CPNE8: variants seen among roughly 807,000 people sequenced by gnomAD.
CPNE8 encodes copine-8.
CPNE8 carries 45 observed loss-of-function variants against 81.5 expected under a neutral mutation model. The observed-to-expected ratio is 0.55, with a 90% CI of 0.44 to 0.71. The LOEUF (loss-of-function observed/expected upper bound fraction) is 0.71, where lower values mean the gene tolerates loss of function less well. Ranked by LOEUF, CPNE8 falls within the 30% of genes least tolerant of loss-of-function variation. The probability of loss-of-function intolerance (pLI) is 0.00; values close to 1 mark genes in which losing one functional copy is unlikely to be tolerated. For synonymous variants in CPNE8, 252 were observed against 226.3 expected, an observed-to-expected ratio of 1.11 and a Z score of -1.02; for missense variants, 594 against 672.1, an observed-to-expected ratio of 0.88 and a Z score of 1.28.
chr12:38,877,465 A>G (rs563936543), intron 1 of CPNE8, among the ~76,000 whole-genome samples: 1 of 152,102 alleles, frequency 6.6e-6, no homozygotes, highest in East Asian at 1.9e-4. Flanking sequence ...TGTTCCTACC[A>G]TTTTATAACA....
intron 6 of CPNE8, among the ~76,000 whole-genome samples, chr12:38,799,476 A>T (rs1454253821): frequency 6.6e-6 from 1 of 152,170 alleles, no homozygotes; most frequent in Admixed American, 6.5e-5. Flanking sequence ...AAGGCAGAAA[A>T]AAAGATATTC....
At chr12:38,674,962 G>A (rs1028145029) in intron 18 of CPNE8, among the ~76,000 whole-genome samples, 7 of 152,126 alleles carry the variant, frequency 4.6e-5, no homozygotes, top group Non-Finnish European at 8.8e-5. Flanking sequence ...ACCTGAACCA[G>A]GTGAATATTA....
intron 6 of CPNE8, among the ~76,000 whole-genome samples, chr12:38,801,783 C>T (rs973213811): frequency 1.9e-5 from 2 of 104,226 alleles, no homozygotes; most frequent in African/African-American, 7.2e-5. Context: ...CAGAGACACA[C>T]ATAGGCTCCA....
intron 5 of CPNE8, among the ~76,000 whole-genome samples, chr12:38,834,124 T>C (rs1315572171): frequency 1.3e-5 from 2 of 152,164 alleles, no homozygotes; most frequent in Admixed American, 6.5e-5. Context: ...GAAAGCGACA[T>C]GTCCTAGCTG....
intron 1 of CPNE8, among the ~76,000 whole-genome samples, chr12:38,891,322 T>C (rs1373943674): frequency 6.6e-6 from 1 of 152,146 alleles, no homozygotes; most frequent in African/African-American, 2.4e-5. Context: ...TTAAATTTAT[T>C]TGTTTCTCAT....
intron 6 of CPNE8, among the ~76,000 whole-genome samples, chr12:38,790,345 G>A (rs1419141938): frequency 6.6e-6 from 1 of 151,754 alleles, no homozygotes; most frequent in African/African-American, 2.4e-5. Context: ...GGCACAGAAA[G>A]GCAAACATTG....
intron 10 of CPNE8, among the ~76,000 whole-genome samples, chr12:38,736,234 T>TGTGTGTGTGTGTGTGTGTGTGTGTGTG (rs60702724): frequency 3.2e-4 from 47 of 148,844 alleles, no homozygotes; most frequent in African/African-American, 9.9e-4. Context: ...TGTGTGTGTG[T>TGTGTGTGTGTGTGTGTGTGTGTGTGTG]TGTGTGTGTA....
intron 2 of CPNE8, among the ~76,000 whole-genome samples, chr12:38,874,117 A>G (rs1157455182): frequency 2.6e-4 from 39 of 152,094 alleles, no homozygotes; most frequent in Non-Finnish European, 2.9e-5. Flanking sequence ...TCATTTAAAA[A>G]AAAAAGAAAA....
chr12:38,713,496 G>A (rs1940312849), intron 13 of CPNE8, among the ~76,000 whole-genome samples: 3 of 152,198 alleles, frequency 2.0e-5, no homozygotes, highest in Non-Finnish European at 2.9e-5. Flanking sequence ...GACTCGTGGA[G>A]AGAGTAAGAT....
intron 6 of CPNE8, among the ~76,000 whole-genome samples, chr12:38,825,933 C>A (rs577816349): frequency 6.6e-6 from 1 of 152,260 alleles, no homozygotes; most frequent in South Asian, 2.1e-4. Context: ...TTTCCTATTT[C>A]ATTTCACCCT....
intron 18 of CPNE8, among the ~76,000 whole-genome samples, 178 bp downstream of exon 18, chr12:38,675,539 A>G (rs2136648326): frequency 6.6e-6 from 1 of 152,328 alleles, no homozygotes; most frequent in South Asian, 2.1e-4. Flanking sequence ...GCACACCTGA[A>G]TAGACATCAT....
At chr12:38,683,935 C>T (rs928501225) in intron 16 of CPNE8, among the ~76,000 whole-genome samples, 7 of 152,056 alleles carry the variant, frequency 4.6e-5, no homozygotes, top group Middle Eastern at 3.4e-3. Context: ...TATAGAAATG[C>T]ACCTAGATAT....
chr12:38,865,592 GT>G (rs1370755740), intron 3 of CPNE8, among the ~76,000 whole-genome samples: 2 of 152,148 alleles, frequency 1.3e-5, no homozygotes, highest in African/African-American at 4.8e-5. Flanking sequence ...AATCAGAATG[GT>G]AGTTCAATTT....
intron 18 of CPNE8, 145 bp downstream of exon 18, chr12:38,675,572 C>T (rs12581365): frequency 0.023 from 13,897 of 591,644 alleles, 700 homozygotes; most frequent in East Asian, 0.13. Flanking sequence ...ATGTATATGT[C>T]TAATTATGGA....
intron 19 of CPNE8, among the ~76,000 whole-genome samples, chr12:38,655,100 A>G (rs899347474): frequency 6.6e-6 from 1 of 152,168 alleles, no homozygotes; most frequent in Non-Finnish European, 1.5e-5. Flanking sequence ...CATTCTAACA[A>G]CATATATTAG....
intron 10 of CPNE8, among the ~76,000 whole-genome samples, chr12:38,732,696 CAGA>C (rs1940858978): frequency 6.6e-6 from 1 of 151,932 alleles, no homozygotes; most frequent in African/African-American, 2.4e-5. Flanking sequence ...GCAGACTTTT[CAGA>C]TTTCTCACCC....
chr12:38,719,575 T>C (rs979643868), intron 13 of CPNE8, among the ~76,000 whole-genome samples: 9 of 134,264 alleles, frequency 6.7e-5, no homozygotes, highest in African/African-American at 1.4e-4. Context: ...AGAGTTAAGA[T>C]TGTCTCAGGA....
intron 19 of CPNE8, among the ~76,000 whole-genome samples, chr12:38,658,346 G>GA (rs988951439): frequency 2.0e-5 from 3 of 151,544 alleles, no homozygotes; most frequent in Non-Finnish European, 4.4e-5. Flanking sequence ...GACAAGATTA[G>GA]AAAAAAAAGA....
At chr12:38,824,003 C>T (rs550226974) in intron 6 of CPNE8, among the ~76,000 whole-genome samples, 8 of 152,122 alleles carry the variant, frequency 5.3e-5, no homozygotes, top group Non-Finnish European at 8.8e-5. Context: ...GCACAAGACT[C>T]ATTTTAGGAG....
Sources: allele counts gnomAD v4.1 joint callset (sites outside exome capture counted in the v4.1 genomes callset), GRCh38; gene constraint gnomAD v4.1.1; transcripts MANE v1.5; gene names NCBI Gene and HGNC (gene_info 2026-07-23, HGNC 2026-07-21).